The following PLXDC2 variants were observed in gnomAD, a reference collection of about 807,000 sequenced individuals.
PLXDC2 encodes the protein plexin domain containing 2.
A neutral mutation model predicts 68.9 loss-of-function variants in PLXDC2; 40 were observed. The ratio of observed to expected loss-of-function variants is 0.58; its 90% CI spans 0.45 to 0.76. The LOEUF (loss-of-function observed/expected upper bound fraction) is 0.76, where lower values mean the gene tolerates loss of function less well. Ranked by LOEUF, PLXDC2 falls within the 30% of genes least tolerant of loss-of-function variation. The pLI, the probability that PLXDC2 is intolerant of heterozygous loss-of-function variation, is 0.00. For synonymous variants in PLXDC2, 243 were observed against 234.2 expected, an observed-to-expected ratio of 1.04 and a Z score of -0.34; for missense variants, 644 against 661.9, an observed-to-expected ratio of 0.97 and a Z score of 0.30.
In PLXDC2 at chr10:19,911,363, C is replaced by T. The variant is rs146336174; in HGVS notation, c.113-90412C>T. On this transcript the variant is annotated intron_variant, in intron 1 of 13. Coordinates refer to ENST00000377252, the MANE Select transcript of PLXDC2 (RefSeq NM_032812.9). ...ACACATAACTTTAAATACTGAATGC[C>T]TCCTGTAAACATGTTCCAATTTGCT... 4.7e-3 allele frequency among the ~76,000 whole-genome samples: 722 copies of T among 152,220 alleles called. 3 individuals carry two copies. The highest frequency in any genetic ancestry group is 6.6e-3 in the Admixed American group (101 of 15,286).
At chr10:19,924,915 A>G (rs1380287129) in intron 1 of PLXDC2, among the ~76,000 whole-genome samples, 1 of 152,172 alleles carries the variant, frequency 6.6e-6, no homozygotes, top group African/African-American at 2.4e-5. Flanking sequence ...TTTTATTACC[A>G]TCTATAGAGA....
intron 4 of PLXDC2, among the ~76,000 whole-genome samples, chr10:20,108,145 G>A (rs552695902): frequency 1.6e-4 from 24 of 152,190 alleles, no homozygotes; most frequent in East Asian, 3.9e-4. Flanking sequence ...TGAAAAATCC[G>A]TCGGCACGGC....
At chr10:19,946,466 T>G (rs1833902518) in intron 1 of PLXDC2, among the ~76,000 whole-genome samples, 1 of 151,810 alleles carries the variant, frequency 6.6e-6, no homozygotes, top group Admixed American at 6.6e-5. Flanking sequence ...ACTCTGTTAC[T>G]TACATGGCTA....
rs1382462108 is a variant in PLXDC2, at chr10:20,027,495, A to G, written c.325-19374A>G. ...CTTGATCTTGGACTTTGTAGCCTCC[A>G]GAACTGTGAGAAAATGAATTTCTTC... On this transcript the variant is annotated intron_variant, in intron 2 of 13. Coordinates refer to ENST00000377252, the MANE Select transcript of PLXDC2 (RefSeq NM_032812.9). Among the ~76,000 whole-genome samples, 3 of 152,294 alleles carry G rather than the reference A, an allele frequency of 2.0e-5. No homozygotes were observed. In the East Asian group the frequency reaches 5.8e-4, roughly 29 times the overall value.
At chr10:20,194,720 T>C (rs1834814589) in intron 9 of PLXDC2, among the ~76,000 whole-genome samples, 1 of 151,860 alleles carries the variant, frequency 6.6e-6, no homozygotes, top group African/African-American at 2.4e-5. Flanking sequence ...TGTGCCATGT[T>C]GGTGTGCTGC....
At chr10:19,881,238 C>T (rs1387900143) in intron 1 of PLXDC2, among the ~76,000 whole-genome samples, 2 of 152,148 alleles carry the variant, frequency 1.3e-5, no homozygotes, top group African/African-American at 2.4e-5. Flanking sequence ...GCCTCAGCCT[C>T]CTGAGTAGCT....
intron 3 of PLXDC2, among the ~76,000 whole-genome samples, chr10:20,052,222 A>G (rs1835916022): frequency 6.6e-6 from 1 of 152,104 alleles, no homozygotes; most frequent in South Asian, 2.1e-4. Flanking sequence ...TAAATTCCCT[A>G]CATTCTTCTT....
intron 1 of PLXDC2, among the ~76,000 whole-genome samples, chr10:19,873,135 T>A (rs1182649416): frequency 6.6e-6 from 1 of 152,152 alleles, no homozygotes; most frequent in Non-Finnish European, 1.5e-5. Flanking sequence ...TCACGACCGA[T>A]GTTTGTCCAT....
In PLXDC2 at chr10:20,042,050, A is replaced by G. The variant is rs552735842; in HGVS notation, c.325-4819A>G. On this transcript the variant is annotated intron_variant, in intron 2 of 13. Transcript: ENST00000377252. Reference sequence around the variant, plus strand: ...GCAACACCAACATTCAATCCATAACATTCATCCCAGACATTTATTTCATTG... The same window carrying G: ...GCAACACCAACATTCAATCCATAACGTTCATCCCAGACATTTATTTCATTG... Among the ~76,000 whole-genome samples the G allele has an allele frequency of 4.6e-5, 7 of 152,264 alleles. No individual in the cohort carries two copies. The East Asian group carries it at 9.7e-4, about 21-fold the overall frequency.
chr10:19,949,894 T>C (rs890566263), intron 1 of PLXDC2, among the ~76,000 whole-genome samples: 16 of 152,216 alleles, frequency 1.1e-4, no homozygotes, highest in African/African-American at 3.9e-4. Context: ...ATGCTCAATA[T>C]ATGATAGGCA....
chr10:19,925,777 T>C (rs1833529889), intron 1 of PLXDC2, among the ~76,000 whole-genome samples: 1 of 152,198 alleles, frequency 6.6e-6, no homozygotes, highest in African/African-American at 2.4e-5. Flanking sequence ...AAGGCGGGCT[T>C]TTATCAGCCT....
At chr10:20,005,724 C>G (rs1215052381) in intron 2 of PLXDC2, among the ~76,000 whole-genome samples, 1 of 152,140 alleles carries the variant, frequency 6.6e-6, no homozygotes, top group East Asian at 1.9e-4. Context: ...CTCCTCAACG[C>G]ACTCATCACC....
At chr10:20,077,160 T>C (rs1004801063) in intron 4 of PLXDC2, among the ~76,000 whole-genome samples, 24 of 152,188 alleles carry the variant, frequency 1.6e-4, no homozygotes, top group African/African-American at 5.3e-4. Context: ...GGTAGCCTTT[T>C]AGCCTTGAGT....
intron 4 of PLXDC2, among the ~76,000 whole-genome samples, chr10:20,135,046 A>G (rs1426604339): frequency 1.3e-5 from 2 of 152,174 alleles, no homozygotes; most frequent in Non-Finnish European, 1.5e-5. Context: ...TCTGGGCTCC[A>G]CTTAGGTGCT....
chr10:20,020,999 G>T (rs747584836), intron 2 of PLXDC2, among the ~76,000 whole-genome samples: 8 of 152,136 alleles, frequency 5.3e-5, no homozygotes, highest in Non-Finnish European at 8.8e-5. Context: ...TTTCCTGTCT[G>T]AATAGCAAAC....
chr10:20,240,759 G>C (rs1473535233), intron 12 of PLXDC2, among the ~76,000 whole-genome samples: 2 of 146,274 alleles, frequency 1.4e-5, no homozygotes, highest in Admixed American at 6.8e-5. Context: ...GTAGAAAAAT[G>C]CTTTCTCCAA....
intron 4 of PLXDC2, among the ~76,000 whole-genome samples, chr10:20,105,384 C>G (rs983441005): frequency 6.6e-6 from 1 of 152,158 alleles, no homozygotes; most frequent in Admixed American, 6.5e-5. Context: ...AAATGATTTA[C>G]AACTAGTGGT....
intron 1 of PLXDC2, among the ~76,000 whole-genome samples, chr10:19,998,719 G>A (rs920077400): frequency 6.6e-6 from 1 of 152,128 alleles, no homozygotes; most frequent in African/African-American, 2.4e-5. Context: ...GAGGCACAGA[G>A]ATGGAGGTTT....
chr10:20,132,117 A>G (rs1489014840), intron 4 of PLXDC2, among the ~76,000 whole-genome samples: 6 of 152,188 alleles, frequency 3.9e-5, no homozygotes. Context: ...GGTTGTTCAG[A>G]ACTATGTTAT....
Sources: gnomAD v4.1 joint callset for allele counts (sites outside exome capture counted in the v4.1 genomes callset) on GRCh38, gnomAD v4.1.1 for gene constraint, MANE v1.5 for transcripts, NCBI Gene and HGNC (gene_info 2026-07-23, HGNC 2026-07-21) for gene names.